The following DYSF variants were observed in gnomAD, a reference collection of about 807,000 sequenced individuals.
DYSF encodes dysferlin, also known as dystrophy-associated fer-1-like 1.
Under a neutral mutation model 274.9 loss-of-function variants are expected in DYSF, and 212 were observed. That is an observed-to-expected ratio of 0.77 (90% confidence interval 0.69 to 0.86). The LOEUF (loss-of-function observed/expected upper bound fraction) is 0.86. Ranked by LOEUF, DYSF falls within the 40% of genes least tolerant of loss-of-function variation. DYSF has a pLI of 0.00. For missense variants in DYSF, 2,666 were observed against 2,783.2 expected, an observed-to-expected ratio of 0.96 and a Z score of 0.95; for synonymous variants, 1,091 against 1,078.7, an observed-to-expected ratio of 1.01 and a Z score of -0.22.
At chr2:71,554,949 G>C (rs1273755107) in intron 21 of DYSF, among the ~76,000 whole-genome samples, 1 of 152,132 alleles carries the variant, frequency 6.6e-6, no homozygotes, top group Non-Finnish European at 1.5e-5. Context: ...GGGGACAGCT[G>C]GTGAGAAAGT....
At chr2:71,667,293 C>T (rs1015821811) in intron 47 of DYSF, 83 bp from the exon 48 acceptor site, 1 of 1,603,094 alleles carries the variant, frequency 6.2e-7, no homozygotes, top group South Asian at 1.1e-5. Flanking sequence ...CTTAGGCAGC[C>T]CTGCTCAGCC....
chr2:71,683,643 G>A (rs74978018), intron 55 of DYSF, among the ~76,000 whole-genome samples: 4,689 of 152,332 alleles, frequency 0.031, 158 homozygotes, highest in African/African-American at 0.083. Context: ...GGGCCTGGCC[G>A]TAGGCTGCAC....
intron 52 of DYSF, among the ~76,000 whole-genome samples, chr2:71,677,779 T>G (rs985456397): frequency 6.6e-6 from 1 of 152,194 alleles, no homozygotes; most frequent in Admixed American, 6.5e-5. Flanking sequence ...GAAAACTGTT[T>G]GGCAGTTCCT....
At chr2:71,456,892 G>A (rs764449916) in intron 1 of DYSF, among the ~76,000 whole-genome samples, 10 of 152,100 alleles carry the variant, frequency 6.6e-5, no homozygotes, top group Non-Finnish European at 1.2e-4. Flanking sequence ...CAGGGCACTC[G>A]GACCTGAGCC....
At chr2:71,595,183 A>G (rs1191314144) in intron 32 of DYSF, among the ~76,000 whole-genome samples, 1 of 152,252 alleles carries the variant, frequency 6.6e-6, no homozygotes, top group Non-Finnish European at 1.5e-5. Flanking sequence ...TCCAGCAATA[A>G]AGGAGAGTAC....
At position 71,564,150 on chromosome 2, in the gene DYSF, C is replaced by A. The variant is rs1384324440; in HGVS notation, c.2502C>A (p.Phe834Leu). The A allele has an allele frequency of 6.2e-7, 1 of 1,614,284 alleles. No homozygotes were observed. Among genetic ancestry groups the A allele is most frequent in the Non-Finnish European group, 8.5e-7 (1 of 1,180,054 alleles). Residue 834 changes from phenylalanine (F) to leucine (L), a missense_variant, in exon 24 of 56, where the codon TTC becomes TTA. This residue lies in a region of DYSF where 412 missense variants were observed against 504.0 expected (regional missense o/e 0.82). Coordinates refer to ENST00000410020, the MANE Select transcript of DYSF (RefSeq NM_001130987.2). ...GGGTGCCCGCCCACCAAGTCCTCTT[C>A]TCCCGGCGGGGTGCCAACTACTGTG... ...YQRVPAHQVLFSRRGANYCGK... is the reference protein window; with the variant it reads ...YQRVPAHQVLLSRRGANYCGK...
At position 71,651,829 on chromosome 2, in the gene DYSF, A is replaced by G. The variant is rs191311969; in HGVS notation, c.4627-4333A>G. On this transcript the variant is annotated intron_variant, in intron 42 of 55. Transcript: ENST00000410020. ...TAACCGAATTTGCTTCATTCCAGGA[A>G]TATAAAAAGTTCAACATTAGGAAAT... Among the ~76,000 whole-genome samples the G allele has an allele frequency of 5.3e-5, 8 of 152,316 alleles. No individual in the cohort carries two copies. In the East Asian group the frequency reaches 1.5e-3, roughly 29 times the overall value.
intron 41 of DYSF, among the ~76,000 whole-genome samples, chr2:71,640,759 G>C (rs2094473919): frequency 6.6e-6 from 1 of 152,014 alleles, no homozygotes; most frequent in South Asian, 2.1e-4. Flanking sequence ...GTGTGTGTGT[G>C]TGTGTGTGTG....
Position 71,570,396 on chromosome 2 carries a change from G to A in DYSF, c.3085+62G>A, listed in dbSNP as rs151292792. On this transcript the variant is annotated intron_variant, in intron 28 of 55. Coordinates refer to ENST00000410020, the MANE Select transcript of DYSF (RefSeq NM_001130987.2). ...GGCAAGCTCTCAAGCCATGCTGGTG[G>A]GGACGACTGAATGCCAGGGCCCTTC... is the stretch of plus-strand genomic sequence containing the variant. 2,620 of 1,555,746 alleles carry A rather than the reference G, an allele frequency of 1.7e-3. 19 individuals are homozygous for A. The highest frequency in any genetic ancestry group is 0.014 in the East Asian group (627 of 44,476).
Position 71,551,073 on chromosome 2 carries a change from G to A in DYSF, c.1609G>A (p.Gly537Arg), listed in dbSNP as rs121908962. 5.0e-6 allele frequency: 8 copies of A among 1,613,994 alleles called. No homozygotes were observed. The highest frequency in any genetic ancestry group is 6.8e-6 in the Non-Finnish European group (8 of 1,180,012). ...CTACCTGGGCTTCCTCCCCACTTTT[G>A]GGCCCTGCTACATCAACCTCTATGG... Reference protein sequence around the residue: ...DDYLGFLPTFGPCYINLYGSP... With the variant: ...DDYLGFLPTFRPCYINLYGSP... Residue 537 changes from glycine (G) to arginine (R), a missense_variant, in exon 18 of 56, where the codon GGG becomes AGG. Transcript: ENST00000410020.
In DYSF at chr2:71,568,010, G is replaced by A. The variant is rs1403276609; in HGVS notation, c.2625G>A (p.Trp875Ter). 1 of 1,614,158 alleles carries A rather than the reference G, an allele frequency of 6.2e-7. No homozygotes were observed. Among genetic ancestry groups the A allele is most frequent in the South Asian group, 1.1e-5 (1 of 91,068 alleles). Reference protein sequence around the residue: ...RMPVQIRVKLWFGLSVDEKEF... With the variant: ...RMPVQIRVKL ...CAGTGCAGATACGGGTCAAGCTGTG[G>A]TTTGGGCTCTCAGTGGATGAGAAGG... is the stretch of plus-strand genomic sequence containing the variant. Residue 875 changes from tryptophan (W) to a stop codon, truncating the protein, a stop_gained, in exon 25 of 56, where the codon TGG (tryptophan) becomes TGA (stop). Coordinates refer to ENST00000410020, the MANE Select transcript of DYSF (RefSeq NM_001130987.2). LOFTEE classifies it high-confidence loss of function.
chr2:71,621,897 G>A (rs1009974196), intron 41 of DYSF, among the ~76,000 whole-genome samples: 1 of 151,956 alleles, frequency 6.6e-6, no homozygotes, highest in African/African-American at 2.4e-5. Flanking sequence ...CTGATCTCAT[G>A]ATCTGCCCGC....
chr2:71,618,231 GGTGT>G lies in DYSF; in HGVS notation c.4465-2308_4465-2305del, dbSNP rs1481017592. 6.9e-4 allele frequency among the ~76,000 whole-genome samples: 47 copies of G among 67,872 alleles called. 1 individual carries two copies. The highest frequency in any genetic ancestry group is 4.4e-3 in the Admixed American group (27 of 6,132). 44.5% of individuals were successfully genotyped at this position (67,872 alleles called of 152,430 possible). A position where few individuals can be genotyped will look rare whatever the true frequency, so the allele number is the denominator to read the frequency against. On this transcript the variant is annotated intron_variant, in intron 40 of 55. Transcript: ENST00000410020. ...GGATGTGTGTGTGTGGTAGAGGTGG[GGTGT>G]GTGTGTGGTAGAGGTGGCGTGTGTG...
intron 14 of DYSF, among the ~76,000 whole-genome samples, chr2:71,531,739 C>T (rs1444041875): frequency 1.3e-5 from 2 of 152,048 alleles, no homozygotes; most frequent in Non-Finnish European, 2.9e-5. Context: ...CGTTCCTCAG[C>T]TCAGAAAGGC....
chr2:71,577,668 A>C (rs1308431470), intron 30 of DYSF, among the ~76,000 whole-genome samples: 1 of 144,518 alleles, frequency 6.9e-6, no homozygotes, highest in African/African-American at 2.5e-5. Flanking sequence ...ATGCACACGC[A>C]CCCACACACA....
chr2:71,653,178 G>A (rs1156819351), intron 42 of DYSF, among the ~76,000 whole-genome samples: 1 of 152,212 alleles, frequency 6.6e-6, no homozygotes, highest in Non-Finnish European at 1.5e-5. Context: ...TGGAGAGAAT[G>A]TGGAGAAATA....
chr2:71,571,749 G>C (rs1234240408), intron 29 of DYSF, among the ~76,000 whole-genome samples: 22 of 63,452 alleles, frequency 3.5e-4, no homozygotes, highest in East Asian at 1.5e-3. Context: ...ACAGATCACA[G>C]TCAGCACACA....
At chr2:71,535,200 G>C in intron 15 of DYSF, 68 bp from the exon 16 acceptor site, 6 of 1,596,090 alleles carry the variant, frequency 3.8e-6, no homozygotes, top group Non-Finnish European at 4.3e-6. Context: ...ACTTCAGCTC[G>C]GGGTAGGGAG....
rs77937453 is a variant in DYSF at position 71,545,729 on chromosome 2, A to G, written c.1577-5312A>G. ...CGACAGTTGTGTTTCATGACGCTGC[A>G]GCCGTGCCTACCACCAGCCCCCTGA... is the stretch of plus-strand genomic sequence containing the variant. On this transcript the variant is annotated intron_variant, in intron 17 of 55. Transcript: ENST00000410020. 9.2e-3 allele frequency among the ~76,000 whole-genome samples: 1,396 copies of G among 152,260 alleles called. 5 individuals are homozygous for G. Among genetic ancestry groups the G allele is most frequent in the Non-Finnish European group, 0.012 (840 of 68,012 alleles).
Sources: allele counts gnomAD v4.1 joint callset (sites outside exome capture counted in the v4.1 genomes callset), GRCh38; gene constraint gnomAD v4.1.1; regional missense constraint gnomAD v4.1.1; transcripts MANE v1.5; gene names NCBI Gene and HGNC (gene_info 2026-07-23, HGNC 2026-07-21).